Variants in EVI5 observed in about 807,000 individuals in gnomAD.
The protein encoded by EVI5 is ecotropic viral integration site 5.
In EVI5, 73 loss-of-function variants were observed where a neutral mutation model predicts 112.0. The observed-to-expected ratio is 0.65, with a 90% CI of 0.54 to 0.79. The LOEUF is 0.79. Ranked by LOEUF, EVI5 falls within the 30% of genes least tolerant of loss-of-function variation. EVI5 has a pLI of 0.00. For synonymous variants in EVI5, 305 were observed against 319.9 expected, an observed-to-expected ratio of 0.95 and a Z score of 0.50; for missense variants, 900 against 968.8, an observed-to-expected ratio of 0.93 and a Z score of 0.94.
chr1:92,722,044 A>ATTTT (rs10650713), intron 2 of EVI5, among the ~76,000 whole-genome samples: 139,370 of 151,794 alleles, frequency 0.92, 64,061 homozygotes, highest in East Asian at 0.97. Flanking sequence ...ATGTCCCACT[A>ATTTT]TTTTAATTAC....
intron 1 of EVI5, among the ~76,000 whole-genome samples, chr1:92,766,304 T>C (rs1682638504): frequency 6.6e-6 from 1 of 151,720 alleles, no homozygotes; most frequent in South Asian, 2.1e-4. Context: ...TTGTTTCATT[T>C]TGTTTTTTTA....
At chr1:92,620,808 A>C (rs1217286725) in intron 16 of EVI5, among the ~76,000 whole-genome samples, 1 of 152,204 alleles carries the variant, frequency 6.6e-6, no homozygotes, top group Non-Finnish European at 1.5e-5. Flanking sequence ...AGAGTGCTGA[A>C]ACAGAATATC....
rs539999743 is a variant in EVI5, at chr1:92,630,970, G to A, written c.1528-5036C>T. 2.0e-5 allele frequency among the ~76,000 whole-genome samples: 3 copies of A among 152,312 alleles called. No individual in the cohort carries two copies. In the East Asian group the frequency reaches 5.8e-4, roughly 29 times the overall value. Reference sequence around the variant, plus strand: ...TTTTTCTCAGGTTTGTCAAAGATCAGATAGTTGTAGATATGTGGGATTATT... The same window carrying A: ...TTTTTCTCAGGTTTGTCAAAGATCAAATAGTTGTAGATATGTGGGATTATT... On this transcript the variant is annotated intron_variant, in intron 14 of 19. Coordinates refer to ENST00000684568, the MANE Select transcript of EVI5 (RefSeq NM_001350197.2).
intron 2 of EVI5, among the ~76,000 whole-genome samples, chr1:92,713,597 G>A (rs1475061586): frequency 6.6e-6 from 1 of 151,936 alleles, no homozygotes; most frequent in African/African-American, 2.4e-5. Flanking sequence ...CTAACATGGT[G>A]AAACCCCATC....
At chr1:92,559,773 CAAAAAAAAA>C (rs34723950) in intron 19 of EVI5, among the ~76,000 whole-genome samples, 1 of 47,502 alleles carries the variant, frequency 2.1e-5, no homozygotes, top group Non-Finnish European at 3.7e-5. Context: ...GACTCCCTCT[CAAAAAAAAA>C]AAAAAAAAAA....
chr1:92,600,488 G>C (rs1318020598), intron 18 of EVI5, among the ~76,000 whole-genome samples: 1 of 152,122 alleles, frequency 6.6e-6, no homozygotes, highest in Non-Finnish European at 1.5e-5. Context: ...GGGGAAACAG[G>C]CTGGGGCTGG....
chr1:92,527,954 A>G (rs1662204238), intron 19 of EVI5, among the ~76,000 whole-genome samples: 1 of 152,192 alleles, frequency 6.6e-6, no homozygotes, highest in Admixed American at 6.5e-5. Flanking sequence ...TTTGGTCAGT[A>G]TATGTACTCA....
chr1:92,768,507 T>C (rs760364232), intron 1 of EVI5, among the ~76,000 whole-genome samples: 1 of 152,242 alleles, frequency 6.6e-6, no homozygotes, highest in Non-Finnish European at 1.5e-5. Context: ...TGGACTCTCC[T>C]AGAGCTCAGG....
chr1:92,670,505 C>T (rs1047671401), intron 10 of EVI5, among the ~76,000 whole-genome samples: 4 of 152,146 alleles, frequency 2.6e-5, no homozygotes, highest in East Asian at 1.9e-4. Flanking sequence ...TCTCTCCCTT[C>T]GTAGTATAAC....
intron 9 of EVI5, among the ~76,000 whole-genome samples, chr1:92,677,598 G>C (rs944376977): frequency 6.6e-6 from 1 of 152,032 alleles, no homozygotes; most frequent in Non-Finnish European, 1.5e-5. Flanking sequence ...TACCAACATT[G>C]ACTTTGAAAA....
intron 18 of EVI5, among the ~76,000 whole-genome samples, chr1:92,589,686 G>A (rs990896010): frequency 1.3e-5 from 2 of 152,170 alleles, no homozygotes; most frequent in African/African-American, 4.8e-5. Context: ...TCCACCTCTG[G>A]GGGCAGGGCA....
intron 16 of EVI5, among the ~76,000 whole-genome samples, chr1:92,620,346 CAAA>C (rs541900960): frequency 1.6e-5 from 1 of 62,596 alleles, no homozygotes; most frequent in Non-Finnish European, 3.1e-5. Flanking sequence ...AACTCCATCT[CAAA>C]AAAAAAAAAA....
chr1:92,646,491 G>A (rs544134805), intron 13 of EVI5, among the ~76,000 whole-genome samples: 6 of 152,292 alleles, frequency 3.9e-5, no homozygotes, highest in Admixed American at 2.6e-4. Context: ...GAAGCTAAAT[G>A]GCTGAACATT....
chr1:92,626,039 C>G, intron 14 of EVI5, 105 bp from the exon 15 acceptor site: 1 of 649,666 alleles, frequency 1.5e-6, no homozygotes, highest in Non-Finnish European at 2.6e-6. Context: ...TAATTTTATA[C>G]AGCTATACTG....
chr1:92,683,273 G>T (rs1452124105), intron 9 of EVI5, among the ~76,000 whole-genome samples: 1 of 151,954 alleles, frequency 6.6e-6, no homozygotes, highest in Non-Finnish European at 1.5e-5. Flanking sequence ...ATGCAAACAG[G>T]GTCTGGAGTG....
At chr1:92,595,690 G>A (rs1265412886) in intron 18 of EVI5, among the ~76,000 whole-genome samples, 3 of 152,308 alleles carry the variant, frequency 2.0e-5, no homozygotes, top group Non-Finnish European at 4.4e-5. Context: ...CTCAAGTACC[G>A]GGTATATATA....
chr1:92,572,887 A>G (rs1670525126), intron 18 of EVI5, among the ~76,000 whole-genome samples: 1 of 152,078 alleles, frequency 6.6e-6, no homozygotes, highest in Non-Finnish European at 1.5e-5. Context: ...CTGAGGATAG[A>G]AATGACAAAA....
chr1:92,610,195 A>G (rs1006014380), intron 16 of EVI5, among the ~76,000 whole-genome samples: 5 of 152,154 alleles, frequency 3.3e-5, no homozygotes, highest in African/African-American at 4.8e-5. Context: ...CCTCTTTCTC[A>G]TTTTGAATCA....
rs554855629 is a variant in EVI5 at position 92,790,871 on chromosome 1, C to T, written c.51+1473G>A. On this transcript the variant is annotated intron_variant, in intron 1 of 17. Transcript: ENST00000370331. ...TAGCTTTAACCTCACCACTTTACCA[C>T]TTTACCTCCACCGTATGCATTCTTT... 1.6e-4 allele frequency among the ~76,000 whole-genome samples: 25 copies of T among 151,918 alleles called. No homozygotes were observed. The Middle Eastern group carries it at 0.014, about 84-fold the overall frequency.
Sources: allele counts gnomAD v4.1 joint callset (sites outside exome capture counted in the v4.1 genomes callset), GRCh38; gene constraint gnomAD v4.1.1; transcripts MANE v1.5; gene names NCBI Gene and HGNC (gene_info 2026-07-23, HGNC 2026-07-21).